Variants in CES3 observed in about 807,000 individuals in gnomAD.
The protein encoded by CES3 is carboxylesterase 3 (brain).
Under a neutral mutation model 57.6 loss-of-function variants are expected in CES3, and 49 were observed. That is an observed-to-expected ratio of 0.85 (90% confidence interval 0.68 to 1.08). The LOEUF is 1.08. CES3 is among the 50% of genes least tolerant of loss of function. CES3 has a pLI of 0.00. For synonymous variants in CES3, 266 were observed against 281.6 expected (o/e 0.94, Z 0.55); for missense variants, 645 against 742.0 (o/e 0.87, Z 1.52).
At chr16:66,968,626 A>G (rs1039207105) in intron 8 of CES3, among the ~76,000 whole-genome samples, 3 of 152,138 alleles carry the variant, frequency 2.0e-5, no homozygotes, top group Non-Finnish European at 4.4e-5. Context: ...TCAAAGACAA[A>G]GCTTAAGCCG....
chr16:66,967,782 G>T, intron 8 of CES3: 11 of 982,382 alleles, frequency 1.1e-5, no homozygotes, highest in Non-Finnish European at 1.2e-5. Flanking sequence ...TGTTTTTTGA[G>T]ACAGAGCCTC....
chr16:66,967,231 T>A (rs993388360), intron 8 of CES3, among the ~76,000 whole-genome samples: 2 of 152,136 alleles, frequency 1.3e-5, no homozygotes, highest in African/African-American at 2.4e-5. Context: ...TACAGGCACA[T>A]GCCACCACAC....
intron 4 of CES3, 108 bp from the exon 5 acceptor site, chr16:66,964,249 C>A (rs1963697324): frequency 2.7e-6 from 4 of 1,459,970 alleles, no homozygotes; most frequent in African/African-American, 1.4e-5. Context: ...CAGGCCAGAC[C>A]TGGGGAGCAG....
chr16:66,967,576 C>G, intron 8 of CES3: 2 of 985,428 alleles, frequency 2.0e-6, no homozygotes, highest in Non-Finnish European at 2.4e-6. Context: ...TTTCCAGGTG[C>G]ATAGAACTTC....
chr16:66,964,244 C>T, intron 4 of CES3, 113 bp from the exon 5 acceptor site: 1 of 1,431,968 alleles, frequency 7.0e-7, no homozygotes, highest in East Asian at 2.4e-5. Context: ...CCAGACAGGC[C>T]AGACCTGGGG....
chr16:66,970,701 T>C (rs576005851), intron 9 of CES3, among the ~76,000 whole-genome samples: 18 of 152,252 alleles, frequency 1.2e-4, no homozygotes, highest in African/African-American at 4.1e-4. Context: ...ATTTGAAGAG[T>C]CTACCTGGGA....
At chr16:66,967,314 G>A (rs1021124323) in intron 8 of CES3, among the ~76,000 whole-genome samples, 2 of 152,190 alleles carry the variant, frequency 1.3e-5, no homozygotes, top group South Asian at 2.1e-4. Context: ...TTGGCCTTCC[G>A]AAGTGTTGGG....
At position 66,972,430 on chromosome 16, in the gene CES3, G is replaced by A. The variant is rs144126955; in HGVS notation, c.1366G>A (p.Val456Met). ...TTTTGCGAAGATCAAACCTGCCTGG[G>A]TGAAGGCTGATCATGGGGCCGAGGG... ...SSFAKIKPAW[V>M]KADHGAEGAF... is the part of the protein sequence containing the mutation. The change falls in exon 11 of 13, where the codon GTG becomes ATG. Residue 456 changes from valine to methionine, a missense_variant. Physicochemically the swap from Val to Met is conservative, Grantham distance 21. Transcript: ENST00000303334. The A allele has an allele frequency of 3.2e-5, 52 of 1,613,982 alleles. 2 individuals are homozygous for A. The South Asian group carries it at 5.6e-4, about 17-fold the overall frequency.
chr16:66,967,060 C>CT (rs201867581), intron 8 of CES3, among the ~76,000 whole-genome samples, 195 bp downstream of exon 8: 3,174 of 148,572 alleles, frequency 0.021, 73 homozygotes, highest in South Asian at 0.077. Flanking sequence ...TGTTGTTTTG[C>CT]TTTTTTTTTT....
chr16:66,972,515 GAC>G lies in CES3; in HGVS notation c.1441+12_1441+13del. ...GAGAGCTCCCGCCTGGGTGAGGACAGACAGACAGACATGTGATCCCTAGGCTG... is the reference window on the plus strand; with the variant it reads ...GAGAGCTCCCGCCTGGGTGAGGACAGAGACAGACATGTGATCCCTAGGCTG... On this transcript the variant is annotated intron_variant, in intron 11 of 12. Coordinates refer to ENST00000303334, the MANE Select transcript of CES3 (RefSeq NM_024922.6). The G allele has an allele frequency of 6.2e-7, 1 of 1,610,372 alleles. No individual in the cohort carries two copies. The highest frequency in any genetic ancestry group is 8.5e-7 in the Non-Finnish European group (1 of 1,178,302).
intron 6 of CES3, 80 bp downstream of exon 6, chr16:66,964,807 C>T (rs1390986441): frequency 1.7e-5 from 21 of 1,208,152 alleles, no homozygotes; most frequent in South Asian, 8.1e-5. Flanking sequence ...CTCAGAGTAG[C>T]GGGGTTTGCT....
At chr16:66,967,303 T>C (rs2145535788) in intron 8 of CES3, among the ~76,000 whole-genome samples, 1 of 152,326 alleles carries the variant, frequency 6.6e-6, no homozygotes, top group East Asian at 1.9e-4. Context: ...ATCCATCTGC[T>C]TTGGCCTTCC....
rs749977477 is a variant in CES3 at position 66,972,500 on chromosome 16, G to A, written c.1436G>A (p.Arg479His). 4.2e-5 allele frequency: 67 copies of A among 1,612,256 alleles called. 1 individual carries two copies. The Admixed American group carries it at 8.4e-4, about 20-fold the overall frequency. ...GGPFLMDESS[R>H]LAFPEATEEE... is the part of the protein sequence containing the mutation. ...CCCTTCCTCATGGACGAGAGCTCCC[G>A]CCTGGGTGAGGACAGACAGACAGAC... The change falls in exon 11 of 13, where the codon CGC (arginine) becomes CAC (histidine). Residue 479 changes from arginine (R) to histidine (H), a missense_variant. Arg to His is a conservative substitution (Grantham distance 29). Transcript: ENST00000303334.
chr16:66,968,927 C>G (rs990508124), intron 8 of CES3, among the ~76,000 whole-genome samples: 3 of 151,934 alleles, frequency 2.0e-5, no homozygotes, highest in Non-Finnish European at 4.4e-5. Flanking sequence ...AAATACAAAG[C>G]TTGTAAAAGT....
rs781690188 is a variant in CES3 at position 66,963,830 on chromosome 16, T to C, written c.455T>C (p.Leu152Pro). 4 of 1,614,162 alleles carry C rather than the reference T, an allele frequency of 2.5e-6. No individual in the cohort carries two copies. The Admixed American group carries it at 6.7e-5, about 27-fold the overall frequency. ...ATGGTATGGGTCCATGGAGGCGCTC[T>C]GATAACTGGCGCTGCCACCTCCTAC... The part of the protein sequence containing the change: ...PVMVWVHGGA[L>P]ITGAATSYDG... The change falls in exon 4 of 13, where the codon CTG becomes CCG. Residue 152 changes from leucine (L) to proline (P), a missense_variant. Transcript: ENST00000303334. The surrounding 1 kb of genome is among the most constrained non-coding windows in gnomAD (Gnocchi z 4.9).
At position 66,972,638 on chromosome 16, in the gene CES3, C is replaced by T. The variant is rs71649613; in HGVS notation, c.1442-30C>T. On this transcript the variant is annotated intron_variant, in intron 11 of 12. Coordinates refer to ENST00000303334, the MANE Select transcript of CES3 (RefSeq NM_024922.6). ...TCCCTTCCAGGTCCCACCTGACTCT[C>T]GTTCAGTTCTGTCCCTCTCACCTTT... The T allele has an allele frequency of 6.3e-3, 10,232 of 1,614,008 alleles. 45 individuals carry two copies. The highest frequency in any genetic ancestry group is 0.014 in the Middle Eastern group (84 of 6,062).
In CES3 at chr16:66,966,310, AAAG is replaced by A. The variant is rs1416635855; in HGVS notation, c.890_892del (p.Glu297del). The A allele has an allele frequency of 2.5e-6, 4 of 1,613,596 alleles. No homozygotes were observed. The highest frequency in any genetic ancestry group is 2.2e-5 in the East Asian group (1 of 44,854). The stretch of plus-strand genomic sequence containing the variant: ...TGAGATGGTGCAGTGCCTTCAGCAG[AAAG>A]AAGGAGAAGAGCTGGTCCTTAGCAA... On this transcript the variant is annotated inframe_deletion, in exon 7 of 13. Transcript: ENST00000303334.
At chr16:66,966,974 T>G (rs1437715938) in intron 8 of CES3, 109 bp downstream of exon 8, 2 of 1,322,524 alleles carry the variant, frequency 1.5e-6, no homozygotes, top group African/African-American at 2.9e-5. Flanking sequence ...TTACTCCCAT[T>G]TGATAAGTGA....
chr16:66,961,632 C>T (rs556591471), intron 1 of CES3, among the ~76,000 whole-genome samples: 5 of 152,242 alleles, frequency 3.3e-5, no homozygotes, highest in South Asian at 4.1e-4. Flanking sequence ...GGCGCGATCT[C>T]GGCTCACTGC....
Sources: gnomAD v4.1 joint callset for allele counts (sites outside exome capture counted in the v4.1 genomes callset) on GRCh38, gnomAD v4.1.1 for gene constraint, Gnocchi (gnomAD v3.1) non-coding constraint, MANE v1.5 for transcripts, NCBI Gene and HGNC (gene_info 2026-07-23, HGNC 2026-07-21) for gene names.